G3BP2: variants seen among roughly 807,000 people sequenced by gnomAD.
G3BP2 encodes G3BP stress granule assembly factor 2, also known as ras GTPase-activating protein-binding protein 2.
A neutral mutation model predicts 56.7 loss-of-function variants in G3BP2; 11 were observed. That is an observed-to-expected ratio of 0.19 (90% CI 0.12 to 0.32). The LOEUF is 0.32. Ranked by LOEUF, G3BP2 falls within the 10% of genes least tolerant of loss-of-function variation. The probability of loss-of-function intolerance (pLI) is 1.00; values close to 1 mark genes in which losing one functional copy is unlikely to be tolerated. For missense variants in G3BP2, 340 were observed against 610.9 expected, an observed-to-expected ratio of 0.56 and a Z score of 4.67; for synonymous variants, 165 against 191.6, an observed-to-expected ratio of 0.86 and a Z score of 1.15.
chr4:75,713,483 A>G (rs539640592), intron 3 of G3BP2, among the ~76,000 whole-genome samples: 1 of 152,320 alleles, frequency 6.6e-6, no homozygotes, highest in East Asian at 1.9e-4. Flanking sequence ...TAAACTATTA[A>G]TCAAAAGTGA....
At chr4:75,720,459 G>C (rs1720118873) in intron 3 of G3BP2, among the ~76,000 whole-genome samples, 1 of 147,992 alleles carries the variant, frequency 6.8e-6, no homozygotes, top group African/African-American at 2.5e-5. Flanking sequence ...CTGAGATCGC[G>C]TCACTGCACT....
At chr4:75,655,709 AG>A in intron 6 of G3BP2, 58 bp downstream of exon 6, 1 of 874,108 alleles carries the variant, frequency 1.1e-6, no homozygotes, top group Non-Finnish European at 1.9e-6. Context: ...TTCTAGGAAC[AG>A]AAACCACCTT....
upstream of G3BP2, among the ~76,000 whole-genome samples, chr4:75,674,695 C>CATATATATATATATATATATATATATAT (rs1316726374): frequency 2.8e-4 from 17 of 60,686 alleles, no homozygotes; most frequent in East Asian, 7.9e-4. Flanking sequence ...TATGTATGTA[C>CATATATATATATATATATATATATATAT]ATATATATAT....
intron 10 of G3BP2, 42 bp downstream of exon 10, chr4:75,646,987 T>G (rs888209174): frequency 3.0e-6 from 4 of 1,329,446 alleles, no homozygotes; most frequent in Non-Finnish European, 3.1e-6. Flanking sequence ...TTGCTTAATT[T>G]AAAATAATTT....
intron 3 of G3BP2, among the ~76,000 whole-genome samples, chr4:75,702,366 ACTC>A (rs1406767310): frequency 6.6e-6 from 1 of 150,478 alleles, no homozygotes; most frequent in Non-Finnish European, 1.5e-5. Flanking sequence ...CTGGTCTTGA[ACTC>A]CTGAGCTCAA....
intron 7 of G3BP2, 58 bp from the exon 8 acceptor site, chr4:75,654,139 T>C (rs866642922): frequency 1.4e-5 from 11 of 792,208 alleles, no homozygotes; most frequent in South Asian, 2.9e-5. Flanking sequence ...AACATTCCTA[T>C]AGGGAAACTT....
chr4:75,703,538 C>G (rs539363386), intron 3 of G3BP2, among the ~76,000 whole-genome samples: 2 of 152,298 alleles, frequency 1.3e-5, no homozygotes, highest in South Asian at 4.1e-4. Context: ...GGGTTTTTAG[C>G]CAGTCCTAAA....
chr4:75,673,535 TC>T (rs1283038483), upstream of G3BP2: 2 of 1,231,998 alleles, frequency 1.6e-6, no homozygotes, highest in Non-Finnish European at 2.0e-6. Flanking sequence ...CCTTCCCGTG[TC>T]CCTCTGCGGA....
Position 75,693,902 on chromosome 4 carries a change from A to AT in G3BP2, c.-25+26974dup, listed in dbSNP as rs575693950. On this transcript the variant is annotated intron_variant, in intron 3 of 3. Coordinates refer to the G3BP2 transcript ENST00000499709. ...AGCCTGCCACCACCATGTCTGGCTAATTTTTTTTTTTTAATTTTTGTACAG... is the reference window on the plus strand; with the variant it reads ...AGCCTGCCACCACCATGTCTGGCTAATTTTTTTTTTTTTAATTTTTGTACAG... 2.3e-3 allele frequency among the ~76,000 whole-genome samples: 343 copies of AT among 147,414 alleles called. 1 individual carries two copies. The highest frequency in any genetic ancestry group is 7.7e-3 in the African/African-American group (311 of 40,438).
intron 1 of G3BP2, chr4:75,672,906 C>T (rs146756302): frequency 1.1e-5 from 7 of 663,850 alleles, no homozygotes; most frequent in South Asian, 1.3e-4. Flanking sequence ...CCTCCCCCCC[C>T]ACTTCGCCAC....
chr4:75,717,186 T>C (rs957429582), intron 3 of G3BP2, among the ~76,000 whole-genome samples: 23 of 152,252 alleles, frequency 1.5e-4, no homozygotes, highest in African/African-American at 5.3e-4. Flanking sequence ...CTCATGCCTG[T>C]AATCTCAGCA....
intron 3 of G3BP2, among the ~76,000 whole-genome samples, chr4:75,716,444 G>T (rs936113578): frequency 6.6e-6 from 1 of 152,062 alleles, no homozygotes; most frequent in African/African-American, 2.4e-5. Flanking sequence ...CAAAGTGCTG[G>T]AATTACAGGC....
At chr4:75,684,026 G>C (rs974613106) in intron 3 of G3BP2, among the ~76,000 whole-genome samples, 1 of 152,080 alleles carries the variant, frequency 6.6e-6, no homozygotes, top group African/African-American at 2.4e-5. Flanking sequence ...CTTTCAATGA[G>C]TAATTCAAGG....
chr4:75,685,500 C>CA (rs36037063), intron 3 of G3BP2, among the ~76,000 whole-genome samples: 29,266 of 84,076 alleles, frequency 0.35, 3,548 homozygotes, highest in Middle Eastern at 0.51. Flanking sequence ...GACTCCGTCT[C>CA]AAAAAAAAAA....
chr4:75,693,643 G>C (rs1718969196), intron 3 of G3BP2, among the ~76,000 whole-genome samples: 1 of 152,030 alleles, frequency 6.6e-6, no homozygotes, highest in African/African-American at 2.4e-5. Flanking sequence ...ACAACAATTA[G>C]CTGGGCGCGG....
At chr4:75,710,148 G>A (rs1405417315) in intron 3 of G3BP2, among the ~76,000 whole-genome samples, 4 of 152,034 alleles carry the variant, frequency 2.6e-5, no homozygotes, top group African/African-American at 2.4e-5. Flanking sequence ...TTTTTTCTAG[G>A]GACAGAGTCT....
At chr4:75,665,812 T>C (rs528414882) in intron 1 of G3BP2, among the ~76,000 whole-genome samples, 93 of 152,316 alleles carry the variant, frequency 6.1e-4, no homozygotes, top group Non-Finnish European at 1.1e-3. Context: ...TAAAAACTGA[T>C]GGTAAAATAA....
upstream of G3BP2, among the ~76,000 whole-genome samples, chr4:75,675,050 A>G (rs1328425677): frequency 6.6e-6 from 1 of 151,930 alleles, no homozygotes; most frequent in Non-Finnish European, 1.5e-5. Context: ...TGCCCATTTT[A>G]TAGATGAGAA....
At chr4:75,673,531 C>G (rs149068893), upstream of G3BP2, 2 of 1,232,114 alleles carry the variant, frequency 1.6e-6, no homozygotes, top group Admixed American at 8.4e-5. Context: ...CCAACCTTCC[C>G]GTGTCCCTCT....
Sources: gnomAD v4.1 joint callset for allele counts (sites outside exome capture counted in the v4.1 genomes callset) on GRCh38, gnomAD v4.1.1 for gene constraint, MANE v1.5 for transcripts, NCBI Gene and HGNC (gene_info 2026-07-23, HGNC 2026-07-21) for gene names.